NTAQ1: variants seen among roughly 807,000 people sequenced by gnomAD.
NTAQ1 encodes the protein protein N-terminal glutamine amidohydrolase.
A neutral mutation model predicts 28.2 loss-of-function variants in NTAQ1; 21 were observed. The ratio of observed to expected loss-of-function variants is 0.74; its 90% CI spans 0.53 to 1.07. The LOEUF (loss-of-function observed/expected upper bound fraction) is 1.07, where lower values mean the gene tolerates loss of function less well. Among genes scored for constraint, NTAQ1 ranks in the 50% least tolerant of loss-of-function variants. The probability of loss-of-function intolerance (pLI) is 0.00; values close to 1 mark genes in which losing one functional copy is unlikely to be tolerated. For missense variants in NTAQ1, 264 were observed against 256.6 expected (o/e 1.03, Z -0.20); for synonymous variants, 105 against 90.0 (o/e 1.17, Z -0.94).
chr8:123,417,626 T>G (rs575268338), intron 1 of NTAQ1, among the ~76,000 whole-genome samples: 1 of 152,118 alleles, frequency 6.6e-6, no homozygotes, highest in Non-Finnish European at 1.5e-5. Context: ...ACCTACTCTT[T>G]CCTGAGTAAT....
intron 4 of NTAQ1, 119 bp from the exon 5 acceptor site, chr8:123,437,091 C>T: frequency 3.0e-6 from 4 of 1,331,232 alleles, no homozygotes; most frequent in Non-Finnish European, 4.1e-6. Flanking sequence ...TATTACTAAC[C>T]ATACAGAAAT....
At chr8:123,454,699 C>T (rs1815597863) in intron 6 of NTAQ1, among the ~76,000 whole-genome samples, 1 of 152,164 alleles carries the variant, frequency 6.6e-6, no homozygotes, top group South Asian at 2.1e-4. Context: ...TCTACTACAT[C>T]TTATGGGACA....
intron 6 of NTAQ1, among the ~76,000 whole-genome samples, chr8:123,456,777 C>T (rs1166645507): frequency 1.3e-5 from 2 of 152,246 alleles, no homozygotes; most frequent in East Asian, 1.9e-4. Flanking sequence ...CAGAAACAAA[C>T]GAATCAATTT....
At chr8:123,449,929 A>ATGTATGTGTGTGTG (rs1554657624), downstream of NTAQ1, among the ~76,000 whole-genome samples, 19 of 66,712 alleles carry the variant, frequency 2.8e-4, no homozygotes, top group African/African-American at 1.1e-3. Flanking sequence ...GTATATATAT[A>ATGTATGTGTGTGTG]TGTGTGTGTG....
chr8:123,437,028 G>A lies in NTAQ1; in HGVS notation c.384-182G>A, dbSNP rs3779984. ...TTTTGTGCCTTTGCCTTTCTGTTTC[G>A]GGGTTTGGTTGATCATTTCCTATGC... is the stretch of plus-strand genomic sequence containing the variant. On this transcript the variant is annotated intron_variant, in intron 4 of 5. Transcript: ENST00000287387. Among the ~76,000 whole-genome samples the A allele has an allele frequency of 0.36, 54,993 of 151,842 alleles. 10,053 individuals are homozygous for A. Among genetic ancestry groups the A allele is most frequent in the East Asian group, 0.56 (2,901 of 5,172 alleles).
downstream of NTAQ1, among the ~76,000 whole-genome samples, chr8:123,449,903 A>G (rs1159866819): frequency 1.4e-5 from 1 of 69,152 alleles, no homozygotes; most frequent in African/African-American, 5.9e-5. Context: ...ATCTCTCCAT[A>G]TGTATATATG....
exon 7 of NTAQ1, among the ~76,000 whole-genome samples, chr8:123,467,972 T>A (rs2130441943): frequency 6.6e-6 from 1 of 152,254 alleles, no homozygotes; most frequent in Non-Finnish European, 1.5e-5. Flanking sequence ...GGTCTCGAAC[T>A]CCTGACCTCA....
chr8:123,421,676 G>A (rs1813701364), intron 1 of NTAQ1, among the ~76,000 whole-genome samples: 1 of 146,418 alleles, frequency 6.8e-6, no homozygotes, highest in South Asian at 2.2e-4. Context: ...GCCCAGCTAA[G>A]TTTTGTATTT....
At chr8:123,420,968 G>A (rs1204287799) in intron 1 of NTAQ1, among the ~76,000 whole-genome samples, 1 of 151,552 alleles carries the variant, frequency 6.6e-6, no homozygotes, top group Non-Finnish European at 1.5e-5. Flanking sequence ...TGTATTTTTA[G>A]TAGAGACGGG....
chr8:123,471,071 C>A (rs919103368), downstream of NTAQ1, among the ~76,000 whole-genome samples: 2 of 152,000 alleles, frequency 1.3e-5, no homozygotes, highest in Admixed American at 1.3e-4. Flanking sequence ...CAGGCATGCA[C>A]CACCATGCCT....
intron 5 of NTAQ1, chr8:123,438,113 G>C: frequency 1.4e-6 from 1 of 698,090 alleles, no homozygotes; most frequent in Non-Finnish European, 2.6e-6. Context: ...TGTACCACTT[G>C]TCTCATTTAT....
chr8:123,465,574 CT>C (rs71310691), intron 6 of NTAQ1, among the ~76,000 whole-genome samples: 169 of 78,548 alleles, frequency 2.2e-3, no homozygotes, highest in African/African-American at 8.3e-3. Context: ...AGCATAACAT[CT>C]TTTTTTTTTT....
intron 6 of NTAQ1, among the ~76,000 whole-genome samples, chr8:123,464,183 T>C (rs1463632144): frequency 1.3e-5 from 2 of 152,156 alleles, no homozygotes; most frequent in Non-Finnish European, 2.9e-5. Flanking sequence ...CTAATAGAGA[T>C]GGTCTTGCAG....
chr8:123,468,137 C>T (rs565156460), exon 7 of NTAQ1, among the ~76,000 whole-genome samples: 5 of 152,278 alleles, frequency 3.3e-5, no homozygotes, highest in East Asian at 1.9e-4. Context: ...GGGATTCTTG[C>T]GTGGCCCCCA....
At chr8:123,425,019 C>T (rs1480786797) in intron 1 of NTAQ1, among the ~76,000 whole-genome samples, 1 of 152,104 alleles carries the variant, frequency 6.6e-6, no homozygotes, top group Non-Finnish European at 1.5e-5. Context: ...CAAACCTGGC[C>T]TTAGAACATT....
At chr8:123,460,270 C>A (rs1815784076) in intron 6 of NTAQ1, among the ~76,000 whole-genome samples, 1 of 152,188 alleles carries the variant, frequency 6.6e-6, no homozygotes, top group Non-Finnish European at 1.5e-5. Flanking sequence ...TTAGTCCTTA[C>A]AATAACCTTA....
chr8:123,447,261 A>C (rs1012156569), intron 6 of NTAQ1, among the ~76,000 whole-genome samples: 1 of 152,168 alleles, frequency 6.6e-6, no homozygotes, highest in African/African-American at 2.4e-5. Flanking sequence ...AGATGCACAT[A>C]CAACTAAAGA....
downstream of NTAQ1, among the ~76,000 whole-genome samples, chr8:123,450,800 A>C (rs963635157): frequency 3.3e-5 from 5 of 152,314 alleles, no homozygotes; most frequent in East Asian, 7.7e-4. Context: ...CCCACTTTGC[A>C]GTGTTTTCTT....
intron 6 of NTAQ1, among the ~76,000 whole-genome samples, chr8:123,461,171 TG>T (rs983875069): frequency 3.3e-5 from 5 of 152,134 alleles, no homozygotes; most frequent in Non-Finnish European, 5.9e-5. Flanking sequence ...TGGGAGTAGG[TG>T]GATAAGTGGC....
Sources: allele counts gnomAD v4.1 joint callset (sites outside exome capture counted in the v4.1 genomes callset), GRCh38; gene constraint gnomAD v4.1.1; transcripts MANE v1.5; gene names NCBI Gene and HGNC (gene_info 2026-07-23, HGNC 2026-07-21).